The following CRISPLD2 variants were observed in gnomAD, a reference collection of about 807,000 sequenced individuals.
CRISPLD2 encodes the protein cysteine-rich secretory protein LCCL domain-containing 2.
Under a neutral mutation model 71.1 loss-of-function variants are expected in CRISPLD2, and 47 were observed. The observed-to-expected ratio is 0.66, with a 90% CI of 0.52 to 0.84. The LOEUF (loss-of-function observed/expected upper bound fraction) is 0.84. Ranked by LOEUF, CRISPLD2 falls within the 40% of genes least tolerant of loss-of-function variation. The pLI is 0.00. For synonymous variants in CRISPLD2, 317 were observed against 250.1 expected (o/e 1.27, Z -2.52); for missense variants, 830 against 651.1 (o/e 1.27, Z -2.99).
intron 8 of CRISPLD2, among the ~76,000 whole-genome samples, chr16:84,871,361 G>A (rs2071467691): frequency 6.6e-6 from 1 of 152,050 alleles, no homozygotes; most frequent in Admixed American, 6.6e-5. Flanking sequence ...TTCGAAACCA[G>A]CCTGGGCAAC....
At chr16:84,884,925 C>T (rs989764382) in intron 13 of CRISPLD2, among the ~76,000 whole-genome samples, 3 of 152,202 alleles carry the variant, frequency 2.0e-5, no homozygotes, top group Non-Finnish European at 4.4e-5. Flanking sequence ...TTTGTGACAC[C>T]GAAGGGATGG....
intron 14 of CRISPLD2, among the ~76,000 whole-genome samples, chr16:84,890,817 A>C (rs2071655281): frequency 6.6e-6 from 1 of 152,132 alleles, no homozygotes; most frequent in African/African-American, 2.4e-5. Flanking sequence ...AAAAAGACCA[A>C]ACAAAGTCCC....
intron 2 of CRISPLD2, among the ~76,000 whole-genome samples, chr16:84,844,731 G>A (rs1181425375): frequency 6.6e-6 from 1 of 152,122 alleles, no homozygotes; most frequent in Non-Finnish European, 1.5e-5. Flanking sequence ...TTCTTGCTGT[G>A]TTGCCCTGCG....
chr16:84,879,567 G>C (rs931221064), intron 12 of CRISPLD2, among the ~76,000 whole-genome samples: 9 of 151,988 alleles, frequency 5.9e-5, no homozygotes, highest in African/African-American at 2.2e-4. Context: ...TCACCATGTT[G>C]GCCAGGCTGG....
chr16:84,880,699 A>T (rs933395239), intron 13 of CRISPLD2, 115 bp downstream of exon 13: 12 of 573,734 alleles, frequency 2.1e-5, no homozygotes, highest in Non-Finnish European at 3.4e-5. Flanking sequence ...AGCTAAATTA[A>T]TTAATTAATT....
chr16:84,832,389 C>T (rs978098974), intron 1 of CRISPLD2, among the ~76,000 whole-genome samples: 2 of 152,272 alleles, frequency 1.3e-5, no homozygotes, highest in East Asian at 1.9e-4. Flanking sequence ...CTCTCTTCCC[C>T]GACAGCCCAT....
At chr16:84,829,665 C>G (rs974834386) in intron 1 of CRISPLD2, among the ~76,000 whole-genome samples, 1 of 152,192 alleles carries the variant, frequency 6.6e-6, no homozygotes, top group Non-Finnish European at 1.5e-5. Flanking sequence ...TTAAGAGAGT[C>G]GCTGCGTGGA....
In CRISPLD2 at chr16:84,878,551, G is replaced by C. The variant is rs371073014; in HGVS notation, c.1229+1041G>C. Among the ~76,000 whole-genome samples the C allele has an allele frequency of 8.5e-5, 13 of 152,332 alleles. No individual in the cohort carries two copies. The South Asian group carries it at 2.7e-3, about 32-fold the overall frequency. ...TCCTCATGCAGCATTCCATTCTGTG[G>C]ATACGTGACAACGGGTTTGTCCCAG... is the stretch of plus-strand genomic sequence containing the variant. On this transcript the variant is annotated intron_variant, in intron 12 of 14. Transcript: ENST00000262424.
chr16:84,874,110 T>A, intron 11 of CRISPLD2, 147 bp downstream of exon 11: 2 of 774,560 alleles, frequency 2.6e-6, no homozygotes, highest in Non-Finnish European at 2.1e-6. Flanking sequence ...TTTCAAGACG[T>A]CATCTCTTTA....
At chr16:84,888,095 A>T (rs2071628708) in intron 13 of CRISPLD2, among the ~76,000 whole-genome samples, 1 of 152,224 alleles carries the variant, frequency 6.6e-6, no homozygotes, top group African/African-American at 2.4e-5. Flanking sequence ...CAGAAGTCCA[A>T]TGTGGGTGTC....
At chr16:84,862,986 G>A (rs1917429261) in intron 6 of CRISPLD2, 1 of 152,194 alleles carries the variant, frequency 6.6e-6, no homozygotes, top group African/African-American at 2.4e-5. Context: ...ATCTGGGTCT[G>A]GGTCATGTAT....
At chr16:84,892,083 G>A (rs988307202) in intron 14 of CRISPLD2, among the ~76,000 whole-genome samples, 1 of 152,146 alleles carries the variant, frequency 6.6e-6, no homozygotes, top group African/African-American at 2.4e-5. Context: ...CAGCTTTTCT[G>A]TGCCTCAGTT....
At chr16:84,891,833 TG>T (rs2071665609) in intron 14 of CRISPLD2, among the ~76,000 whole-genome samples, 2 of 152,068 alleles carry the variant, frequency 1.3e-5, no homozygotes, top group South Asian at 4.1e-4. Context: ...ACCCAGGGTG[TG>T]GGGGGCTGTC....
intron 8 of CRISPLD2, among the ~76,000 whole-genome samples, chr16:84,869,660 A>G (rs986014757): frequency 6.6e-6 from 1 of 152,204 alleles, no homozygotes; most frequent in Non-Finnish European, 1.5e-5. Context: ...AACAGTGCCT[A>G]AAACCTCGCG....
At chr16:84,858,784 G>A (rs1034854545) in intron 6 of CRISPLD2, among the ~76,000 whole-genome samples, 10 of 152,184 alleles carry the variant, frequency 6.6e-5, no homozygotes, top group African/African-American at 1.4e-4. Flanking sequence ...TGGGTCTTAC[G>A]GACGTGAATG....
intron 1 of CRISPLD2, among the ~76,000 whole-genome samples, chr16:84,835,058 G>C (rs1019765709): frequency 6.6e-6 from 1 of 152,116 alleles, no homozygotes; most frequent in Non-Finnish European, 1.5e-5. Context: ...GTACAAACTG[G>C]AATGAGGTGC....
At chr16:84,889,611 T>A (rs1407628334) in intron 14 of CRISPLD2, among the ~76,000 whole-genome samples, 1 of 152,086 alleles carries the variant, frequency 6.6e-6, no homozygotes, top group Admixed American at 6.6e-5. Flanking sequence ...TTTTTTCCTA[T>A]TACCAATGGA....
chr16:84,889,332 G>T lies in CRISPLD2; in HGVS notation c.1408G>T (p.Gly470Cys). The T allele has an allele frequency of 6.2e-7, 1 of 1,613,824 alleles. No individual in the cohort carries two copies. Among genetic ancestry groups the T allele is most frequent in the South Asian group, 1.1e-5 (1 of 91,062 alleles). Residue 470 changes from glycine (G) to cysteine (C), a missense_variant, in exon 14 of 15, where the codon GGC (glycine) becomes TGC (cysteine). By Grantham distance (159) the Gly-to-Cys change is radical (BLOSUM62 -3). Coordinates refer to ENST00000262424, the MANE Select transcript of CRISPLD2 (RefSeq NM_031476.4). The stretch of plus-strand genomic sequence containing the variant: ...CGTGGATAAAAAGAAGACCTACGTG[G>T]GCTCGCTCAGGAATGGAGTTCAGTC... Reference protein sequence around the residue: ...MPVDKKKTYVGSLRNGVQSES... With the variant: ...MPVDKKKTYVCSLRNGVQSES...
At chr16:84,848,450 C>T (rs1916976487) in intron 3 of CRISPLD2, among the ~76,000 whole-genome samples, 1 of 132,986 alleles carries the variant, frequency 7.5e-6, no homozygotes, top group Non-Finnish European at 1.7e-5. Context: ...TTGGTTTTCT[C>T]CCTAGTTATT....
Sources: allele counts gnomAD v4.1 joint callset (sites outside exome capture counted in the v4.1 genomes callset), GRCh38; gene constraint gnomAD v4.1.1; transcripts MANE v1.5; gene names NCBI Gene and HGNC (gene_info 2026-07-23, HGNC 2026-07-21).